Variants in CSMD3 observed in about 807,000 individuals in gnomAD.
The protein encoded by CSMD3 is CUB and sushi domain-containing protein 3.
A neutral mutation model predicts 435.2 loss-of-function variants in CSMD3; 177 were observed. The observed-to-expected ratio is 0.41, with a 90% confidence interval of 0.36 to 0.46. The LOEUF is 0.46. CSMD3 is among the 20% of genes least tolerant of loss of function. CSMD3 has a pLI of 0.34. For synonymous variants in CSMD3, 1,656 were observed against 1,520.5 expected, an observed-to-expected ratio of 1.09 and a Z score of -2.07; for missense variants, 4,265 against 4,504.6, an observed-to-expected ratio of 0.95 and a Z score of 1.52.
intron 3 of CSMD3, among the ~76,000 whole-genome samples, chr8:113,217,685 T>C (rs1375845093): frequency 1.3e-5 from 2 of 151,656 alleles, no homozygotes; most frequent in East Asian, 3.9e-4. Flanking sequence ...AACAAAGTGT[T>C]TTTAATTAGC....
At chr8:112,772,347 G>C (rs1017786843) in intron 13 of CSMD3, among the ~76,000 whole-genome samples, 2 of 152,060 alleles carry the variant, frequency 1.3e-5, no homozygotes, top group African/African-American at 4.8e-5. Context: ...TGTCAACTCA[G>C]GGTTAAATCG....
At chr8:112,827,064 A>G (rs2079704267) in intron 12 of CSMD3, among the ~76,000 whole-genome samples, 1 of 149,730 alleles carries the variant, frequency 6.7e-6, no homozygotes, top group Non-Finnish European at 1.5e-5. Context: ...CCACTCCTCA[A>G]TCCCAACAAA....
intron 6 of CSMD3, among the ~76,000 whole-genome samples, chr8:113,013,557 G>T (rs1034551005): frequency 6.6e-6 from 1 of 152,016 alleles, no homozygotes; most frequent in African/African-American, 2.4e-5. Context: ...AGAGGTAAAA[G>T]GGAAATAATT....
At chr8:112,633,492 G>A (rs377381397) in intron 22 of CSMD3, among the ~76,000 whole-genome samples, 26 of 152,118 alleles carry the variant, frequency 1.7e-4, no homozygotes, top group African/African-American at 6.3e-4. Context: ...ATATTTGGGA[G>A]TCTTTGGAAT....
At chr8:112,608,900 G>A (rs2131456197) in intron 22 of CSMD3, among the ~76,000 whole-genome samples, 1 of 151,764 alleles carries the variant, frequency 6.6e-6, no homozygotes, top group South Asian at 2.1e-4. Context: ...ACTTCTAATA[G>A]AAAACAGAAA....
intron 7 of CSMD3, 112 bp from the exon 8 acceptor site, chr8:112,954,873 T>C (rs1489073369): frequency 1.4e-6 from 1 of 703,912 alleles, no homozygotes; most frequent in Non-Finnish European, 2.5e-6. Context: ...AACCACTTTC[T>C]TAAGCCTGAT....
chr8:113,416,091 A>G (rs1208031397), intron 1 of CSMD3, among the ~76,000 whole-genome samples: 2 of 152,086 alleles, frequency 1.3e-5, no homozygotes, highest in African/African-American at 4.8e-5. Flanking sequence ...TGTCCTTAGC[A>G]TAGCCTTTGT....
chr8:112,813,510 G>A (rs1216453651), intron 12 of CSMD3, among the ~76,000 whole-genome samples: 3 of 152,090 alleles, frequency 2.0e-5, no homozygotes, highest in Admixed American at 1.3e-4. Context: ...ACAGGAAAAC[G>A]GGCAGTTAAC....
At chr8:112,761,500 A>T (rs896076567) in intron 13 of CSMD3, among the ~76,000 whole-genome samples, 1 of 152,060 alleles carries the variant, frequency 6.6e-6, no homozygotes, top group African/African-American at 2.4e-5. Context: ...ATTTTTCATG[A>T]TAAGTGTTAC....
At chr8:113,417,423 T>TA (rs1297778949) in intron 1 of CSMD3, among the ~76,000 whole-genome samples, 2 of 152,044 alleles carry the variant, frequency 1.3e-5, no homozygotes, top group African/African-American at 4.8e-5. Flanking sequence ...GTTATGATGG[T>TA]AAAAAACAAA....
intron 45 of CSMD3, among the ~76,000 whole-genome samples, chr8:112,333,636 A>G (rs1227262372): frequency 6.6e-6 from 1 of 151,186 alleles, no homozygotes; most frequent in African/African-American, 2.4e-5. Flanking sequence ...TATTATCCAC[A>G]TATTTTTATA....
At chr8:113,139,043 G>A (rs1050667006) in intron 4 of CSMD3, among the ~76,000 whole-genome samples, 1 of 150,712 alleles carries the variant, frequency 6.6e-6, no homozygotes, top group Non-Finnish European at 1.5e-5. Flanking sequence ...CAATGGATGG[G>A]CTTAACAGAA....
intron 14 of CSMD3, among the ~76,000 whole-genome samples, chr8:112,687,289 T>C (rs995045216): frequency 5.3e-5 from 8 of 152,030 alleles, no homozygotes; most frequent in Non-Finnish European, 1.2e-4. Flanking sequence ...CTTTGACTAC[T>C]AGAGAAGTTG....
In CSMD3 at chr8:112,302,189, G is replaced by A. The variant is rs143660161; in HGVS notation, c.8267-223C>T. Among the ~76,000 whole-genome samples, 226 of 149,578 alleles carry A rather than the reference G, an allele frequency of 1.5e-3. 1 individual carries two copies. The highest frequency in any genetic ancestry group is 5.4e-3 in the African/African-American group (220 of 40,792). On this transcript the variant is annotated intron_variant, in intron 52 of 70. Coordinates refer to ENST00000297405, the MANE Select transcript of CSMD3 (RefSeq NM_198123.2). ...TCCCCATAGAACCTTCTAAGTAACA[G>A]AGACATAAAGTTCTTTTTTTTTCAT...
At chr8:113,176,209 C>A (rs1028706909) in intron 3 of CSMD3, among the ~76,000 whole-genome samples, 10 of 152,052 alleles carry the variant, frequency 6.6e-5, no homozygotes, top group African/African-American at 2.4e-4. Flanking sequence ...TCAGGAAAGT[C>A]CTGCTGTTGT....
intron 5 of CSMD3, among the ~76,000 whole-genome samples, chr8:113,056,445 C>A (rs185702494): frequency 6.1e-4 from 93 of 152,302 alleles, no homozygotes; most frequent in African/African-American, 2.2e-3. Context: ...TTCAAATTAT[C>A]TACTTAACAT....
rs2130947309 is a variant in CSMD3 at position 112,335,371 on chromosome 8, T to C, written c.7123A>G (p.Ser2375Gly). The change falls in exon 45 of 71, where the codon AGT (serine) becomes GGT (glycine). Residue 2375 changes from serine (S) to glycine (G), a missense_variant. Physicochemically the swap from Ser to Gly is moderately conservative, Grantham distance 56. Coordinates refer to ENST00000297405, the MANE Select transcript of CSMD3 (RefSeq NM_198123.2). The part of the protein sequence containing the change: ...TSNQILIKFH[S>G]DFTTSGFFVL... ...AAAAAGCCACTTGTTGTGAAATCAC[T>C]GTGGAATTTGATTAGAATCTGATTT... The C allele has an allele frequency of 6.2e-7, 1 of 1,613,992 alleles. No individual in the cohort carries two copies. The highest frequency in any genetic ancestry group is 8.5e-7 in the Non-Finnish European group (1 of 1,179,898).
At chr8:112,759,854 C>G (rs867269460) in intron 13 of CSMD3, among the ~76,000 whole-genome samples, 1 of 151,998 alleles carries the variant, frequency 6.6e-6, no homozygotes, top group Admixed American at 6.6e-5. Flanking sequence ...AATTACCATT[C>G]TCAGAATAAT....
At chr8:113,278,979 T>C (rs1216533301) in intron 2 of CSMD3, among the ~76,000 whole-genome samples, 1 of 151,586 alleles carries the variant, frequency 6.6e-6, no homozygotes, top group Non-Finnish European at 1.5e-5. Context: ...ATACAATTCT[T>C]TCCTGGGTTT....
Sources: allele counts gnomAD v4.1 joint callset (sites outside exome capture counted in the v4.1 genomes callset), GRCh38; gene constraint gnomAD v4.1.1; transcripts MANE v1.5; gene names NCBI Gene and HGNC (gene_info 2026-07-23, HGNC 2026-07-21).